The following MRPL42 variants were observed in gnomAD, a reference collection of about 807,000 sequenced individuals.
The protein encoded by MRPL42 is large ribosomal subunit protein mL42.
Under a neutral mutation model 17.9 loss-of-function variants are expected in MRPL42, and 17 were observed. That is an observed-to-expected ratio of 0.95 (90% CI 0.65 to 1.42). MRPL42 has a LOEUF of 1.42. Among genes scored for constraint, MRPL42 ranks in the 40% most tolerant of loss-of-function variants. MRPL42 has a pLI of 0.00. For synonymous variants in MRPL42, 59 were observed against 54.4 expected (o/e 1.08, Z -0.37); for missense variants, 177 against 175.2 (o/e 1.01, Z -0.06).
chr12:93,483,306 G>T (rs920768635), intron 4 of MRPL42, among the ~76,000 whole-genome samples: 1 of 152,164 alleles, frequency 6.6e-6, no homozygotes, highest in East Asian at 1.9e-4. Context: ...TACTGATGGG[G>T]ATATGTTCTG....
intron 2 of MRPL42, among the ~76,000 whole-genome samples, chr12:93,471,251 C>T (rs983385757): frequency 1.3e-5 from 2 of 152,092 alleles, no homozygotes; most frequent in African/African-American, 4.8e-5. Flanking sequence ...GCAACTTCTG[C>T]CTCCCAGGTT....
At chr12:93,484,827 A>AC (rs1207313137) in intron 4 of MRPL42, among the ~76,000 whole-genome samples, 1 of 149,154 alleles carries the variant, frequency 6.7e-6, no homozygotes, top group African/African-American at 2.5e-5. Context: ...TGAACTCTTG[A>AC]CCTCATGTGA....
Position 93,509,341 on chromosome 12 carries a change from A to C in MRPL42, c.*8120A>C, listed in dbSNP as rs1346199541. On this transcript the variant is annotated 3_prime_UTR_variant, in exon 6 of 6. Transcript: ENST00000549982. ...CCATTCTAATGGATATATAGTAATA[A>C]TTTGATGGTTTTAATTTGCATTTCT... is the stretch of plus-strand genomic sequence containing the variant. 6.6e-6 allele frequency: 1 copy of C among 152,106 alleles called. No homozygotes were observed. Among genetic ancestry groups the C allele is most frequent in the Non-Finnish European group, 1.5e-5 (1 of 68,016 alleles). 9.4% of individuals were successfully genotyped at this position (152,106 alleles called of 1,614,324 possible).
At chr12:93,479,496 A>T in intron 4 of MRPL42, 24 bp downstream of exon 4, 1 of 1,525,900 alleles carries the variant, frequency 6.6e-7, no homozygotes, top group Non-Finnish European at 9.0e-7. Context: ...AATTTCTTGC[A>T]GTTTTTAATT....
intron 5 of MRPL42, among the ~76,000 whole-genome samples, chr12:93,497,329 C>A (rs1468280845): frequency 6.6e-6 from 1 of 152,128 alleles, no homozygotes; most frequent in Non-Finnish European, 1.5e-5. Context: ...CTAAAATCCT[C>A]AACAAAATAC....
intron 4 of MRPL42, among the ~76,000 whole-genome samples, chr12:93,481,572 A>G (rs781420290): frequency 2.0e-5 from 3 of 152,108 alleles, no homozygotes; most frequent in African/African-American, 2.4e-5. Context: ...TTGCTGTCAC[A>G]CTTTCTCCAA....
intron 4 of MRPL42, among the ~76,000 whole-genome samples, chr12:93,482,258 C>CCT (rs1418109224): frequency 6.6e-6 from 1 of 152,166 alleles, no homozygotes; most frequent in Non-Finnish European, 1.5e-5. Flanking sequence ...TCTTGTGTGG[C>CCT]CTTCCTTGGC....
rs1953706915 is a variant in MRPL42, at chr12:93,509,544, GAT to G, written c.*8324_*8325del. 6.6e-6 allele frequency: 1 copy of G among 151,990 alleles called. No individual in the cohort carries two copies. Among genetic ancestry groups the G allele is most frequent in the African/African-American group, 2.4e-5 (1 of 41,382 alleles). The allele number at this position is 151,990 out of a possible 1,614,324, so 9.4% of individuals were successfully genotyped here. On this transcript the variant is annotated 3_prime_UTR_variant, in exon 6 of 6. Coordinates refer to ENST00000549982, the MANE Select transcript of MRPL42 (RefSeq NM_014050.4). ...GCTACTCAGGAGGCTAAGACAGGAG[GAT>G]CACTTGAGTCCAGAAGTTCTGGGTT...
Position 93,503,971 on chromosome 12 carries a change from CTTTT to C in MRPL42, c.*2754_*2757del, listed in dbSNP as rs1015367592. The C allele has an allele frequency of 2.8e-5, 4 of 145,068 alleles. No individual in the cohort carries two copies. Among genetic ancestry groups the C allele is most frequent in the African/African-American group, 5.1e-5 (2 of 39,170 alleles). 9.0% of individuals were successfully genotyped at this position (145,068 alleles called of 1,614,324 possible). On this transcript the variant is annotated 3_prime_UTR_variant, in exon 6 of 6. Transcript: ENST00000549982. ...CATCCTGGTGGATTATTACCATTTT[CTTTT>C]TTTATTTTTTTTTTAAATTTATTTC... is the stretch of plus-strand genomic sequence containing the variant.
chr12:93,495,658 C>T (rs1301624846), intron 5 of MRPL42, among the ~76,000 whole-genome samples: 1 of 152,178 alleles, frequency 6.6e-6, no homozygotes, highest in Non-Finnish European at 1.5e-5. Flanking sequence ...GTTCACCCAC[C>T]TTGGGTGAGG....
rs1333400535 is a variant in MRPL42, at chr12:93,506,698, A to T, written c.*5477A>T. 1 of 152,192 alleles carries T rather than the reference A, an allele frequency of 6.6e-6. No homozygotes were observed. Among genetic ancestry groups the T allele is most frequent in the African/African-American group, 2.4e-5 (1 of 41,436 alleles). 9.4% of individuals were successfully genotyped at this position (152,192 alleles called of 1,614,324 possible). The stretch of plus-strand genomic sequence containing the variant: ...TTCCTGATTGACAAAGTATCTTGCT[A>T]TGACCATCCCTTCTTTCCCCTCTAG... On this transcript the variant is annotated 3_prime_UTR_variant, in exon 6 of 6. Transcript: ENST00000549982.
chr12:93,492,350 T>A (rs183304436), intron 5 of MRPL42, among the ~76,000 whole-genome samples: 455 of 152,356 alleles, frequency 3.0e-3, no homozygotes, highest in African/African-American at 4.6e-3. Flanking sequence ...GTGATTTTTT[T>A]AAATTTGCAT....
chr12:93,491,720 A>G (rs1450387727), intron 5 of MRPL42, among the ~76,000 whole-genome samples: 1 of 152,136 alleles, frequency 6.6e-6, no homozygotes, highest in East Asian at 1.9e-4. Flanking sequence ...CCCATCACCC[A>G]GGCAGTGAGG....
intron 5 of MRPL42, among the ~76,000 whole-genome samples, chr12:93,491,886 G>A (rs4761727): frequency 0.67 from 102,021 of 152,172 alleles, 34,452 homozygotes; most frequent in Middle Eastern, 0.72. Flanking sequence ...TTCTGTTTCT[G>A]TGTTAATTCG....
intron 5 of MRPL42, among the ~76,000 whole-genome samples, chr12:93,495,927 ACCT>A: frequency 6.6e-6 from 1 of 152,224 alleles, no homozygotes; most frequent in Non-Finnish European, 1.5e-5. Flanking sequence ...GGAACTGAAC[ACCT>A]TAAAGAAGCT....
At chr12:93,478,080 C>A (rs1364803637) in intron 3 of MRPL42, among the ~76,000 whole-genome samples, 1 of 151,912 alleles carries the variant, frequency 6.6e-6, no homozygotes, top group South Asian at 2.1e-4. Flanking sequence ...CCTCAGCCCC[C>A]CAAGTAGCTG....
intron 5 of MRPL42, among the ~76,000 whole-genome samples, chr12:93,494,221 G>A (rs942759376): frequency 3.3e-5 from 5 of 152,146 alleles, no homozygotes; most frequent in African/African-American, 4.8e-5. Context: ...CAAGAACCAA[G>A]GGAAGTGTTA....
chr12:93,469,503 G>A, intron 2 of MRPL42, 148 bp downstream of exon 2: 1 of 615,598 alleles, frequency 1.6e-6, no homozygotes, highest in Non-Finnish European at 2.8e-6. Context: ...TCAGTCAGAA[G>A]GGGAATGGAT....
rs1011477448 is a variant in MRPL42 at position 93,469,217 on chromosome 12, C to G, written c.-69C>G. 3 of 1,254,234 alleles carry G rather than the reference C, an allele frequency of 2.4e-6. No homozygotes were observed. In the African/African-American group the frequency reaches 4.6e-5, roughly 19 times the overall value. 77.7% of individuals were successfully genotyped at this position (1,254,234 alleles called of 1,614,324 possible). A position where few individuals can be genotyped will look rare whatever the true frequency, so the allele number is the denominator to read the frequency against. ...GAGTAGAAATTGGTATGCTTAGAAG[C>G]AGATTCTAAAAGCAGTTTCTCTTCA... On this transcript the variant is annotated 5_prime_UTR_variant, in exon 2 of 6. Transcript: ENST00000549982.
Sources: allele counts gnomAD v4.1 joint callset (sites outside exome capture counted in the v4.1 genomes callset), GRCh38; gene constraint gnomAD v4.1.1; transcripts MANE v1.5; gene names NCBI Gene and HGNC (gene_info 2026-07-23, HGNC 2026-07-21).